The following BABAM2 variants were observed in gnomAD, a reference collection of about 807,000 sequenced individuals.
The protein encoded by BABAM2 is BRISC and BRCA1 A complex member 2, also known as BRISC and BRCA1-A complex member 2.
A neutral mutation model predicts 54.7 loss-of-function variants in BABAM2; 31 were observed. That is an observed-to-expected ratio of 0.57 (90% CI 0.43 to 0.77). The LOEUF is 0.77. Ranked by LOEUF, BABAM2 falls within the 30% of genes least tolerant of loss-of-function variation. The pLI is 0.00. For synonymous variants in BABAM2, 167 were observed against 162.9 expected (o/e 1.03, Z -0.19); for missense variants, 364 against 455.8 (o/e 0.80, Z 1.83).
intron 7 of BABAM2, among the ~76,000 whole-genome samples, chr2:28,150,905 G>A (rs1329202541): frequency 6.6e-6 from 1 of 152,180 alleles, no homozygotes; most frequent in Admixed American, 6.5e-5. Flanking sequence ...ATGTGAGAAT[G>A]ATGAAAAGCT....
intron 7 of BABAM2, among the ~76,000 whole-genome samples, chr2:28,162,159 A>T (rs1451568899): frequency 6.6e-6 from 1 of 152,208 alleles, no homozygotes; most frequent in Non-Finnish European, 1.5e-5. Context: ...AACTTGAAAT[A>T]CCGTATTTTG....
chr2:28,293,835 T>C (rs895409385), intron 10 of BABAM2, among the ~76,000 whole-genome samples: 11 of 151,738 alleles, frequency 7.2e-5, no homozygotes, highest in Non-Finnish European at 1.5e-4. Context: ...CTGGACAACA[T>C]GGCAAGACCC....
intron 10 of BABAM2, among the ~76,000 whole-genome samples, chr2:28,248,902 A>C (rs960910714): frequency 6.6e-6 from 1 of 152,118 alleles, no homozygotes; most frequent in African/African-American, 2.4e-5. Context: ...CTAAGAACCT[A>C]CTGCATGCTC....
At chr2:27,947,967 GA>G (rs1669421956) in intron 3 of BABAM2, among the ~76,000 whole-genome samples, 3 of 151,956 alleles carry the variant, frequency 2.0e-5, no homozygotes, top group Admixed American at 2.0e-4. Context: ...ACTTTATATT[GA>G]AACCACAGTT....
At chr2:28,061,643 C>CAT (rs958963001) in intron 6 of BABAM2, among the ~76,000 whole-genome samples, 35 of 146,994 alleles carry the variant, frequency 2.4e-4, no homozygotes, top group Admixed American at 4.1e-4. Flanking sequence ...CTTGAAAAGA[C>CAT]ATATATATAT....
At chr2:28,073,827 G>A (rs554025066) in intron 6 of BABAM2, among the ~76,000 whole-genome samples, 1 of 152,006 alleles carries the variant, frequency 6.6e-6, no homozygotes, top group East Asian at 1.9e-4. Context: ...AACTTTTTGG[G>A]GAGTGGGGGA....
At position 28,039,505 on chromosome 2, in the gene BABAM2, T is replaced by G. The variant is rs80267877; in HGVS notation, c.496-6220T>G. On this transcript the variant is annotated intron_variant, in intron 5 of 11. Transcript: ENST00000379624. ...CATTTGAAGAATCAGCCTTACCAGT[T>G]TGTCACCCAGCTAAAGTTATAATCA... Among the ~76,000 whole-genome samples, 7 of 152,360 alleles carry G rather than the reference T, an allele frequency of 4.6e-5. No homozygotes were observed. The East Asian group carries it at 1.3e-3, about 29-fold the overall frequency.
At chr2:27,948,564 A>G (rs1250672761) in intron 3 of BABAM2, among the ~76,000 whole-genome samples, 1 of 152,214 alleles carries the variant, frequency 6.6e-6, no homozygotes, top group Non-Finnish European at 1.5e-5. Context: ...TGAGGTCAGG[A>G]GTTAGAGACC....
intron 10 of BABAM2, 79 bp downstream of exon 10, chr2:28,244,941 C>G (rs913504295): frequency 4.6e-5 from 55 of 1,184,276 alleles, no homozygotes; most frequent in Non-Finnish European, 6.3e-5. Context: ...AGTACTAGAA[C>G]CTTTTCTGTC....
intron 7 of BABAM2, among the ~76,000 whole-genome samples, chr2:28,172,907 G>A (rs1573748260): frequency 2.0e-5 from 3 of 152,262 alleles, no homozygotes; most frequent in African/African-American, 7.2e-5. Context: ...CAGTTCCAGA[G>A]GCTAAGAAAT....
chr2:28,284,693 A>G, intron 10 of BABAM2, among the ~76,000 whole-genome samples: 1 of 152,198 alleles, frequency 6.6e-6, no homozygotes, highest in Non-Finnish European at 1.5e-5. Flanking sequence ...AATTTACCTC[A>G]AATAAATAGA....
intron 10 of BABAM2, among the ~76,000 whole-genome samples, chr2:28,278,889 T>A (rs1686101235): frequency 6.6e-6 from 1 of 152,206 alleles, no homozygotes; most frequent in African/African-American, 2.4e-5. Context: ...TCAGTAATGA[T>A]GGTGCCCATT....
intron 11 of BABAM2, among the ~76,000 whole-genome samples, chr2:28,318,340 A>G (rs1689742922): frequency 1.3e-5 from 2 of 152,174 alleles, no homozygotes; most frequent in Admixed American, 6.5e-5. Flanking sequence ...ACACAGCCAT[A>G]CCCTTTGATT....
At chr2:28,263,046 T>C (rs1193455005) in intron 10 of BABAM2, among the ~76,000 whole-genome samples, 2 of 148,168 alleles carry the variant, frequency 1.3e-5, no homozygotes, top group African/African-American at 5.0e-5. Flanking sequence ...TGCCTTCCAG[T>C]AGATGAAAGG....
intron 7 of BABAM2, among the ~76,000 whole-genome samples, chr2:28,204,757 C>T (rs1678650149): frequency 6.6e-6 from 1 of 152,126 alleles, no homozygotes; most frequent in Admixed American, 6.5e-5. Context: ...TTATCTCATT[C>T]AGTCTATGCA....
At chr2:27,999,988 G>T (rs181702613) in intron 4 of BABAM2, among the ~76,000 whole-genome samples, 1 of 152,082 alleles carries the variant, frequency 6.6e-6, no homozygotes, top group Non-Finnish European at 1.5e-5. Context: ...TTTAATTTTA[G>T]AATTTTTGTT....
At chr2:27,899,068 A>G (rs1665565197) in intron 2 of BABAM2, among the ~76,000 whole-genome samples, 1 of 152,116 alleles carries the variant, frequency 6.6e-6, no homozygotes, top group South Asian at 2.1e-4. Context: ...GTTTGAGACC[A>G]GCCTAGGCAA....
At chr2:28,107,046 T>A (rs1324468401) in intron 6 of BABAM2, among the ~76,000 whole-genome samples, 1 of 152,166 alleles carries the variant, frequency 6.6e-6, no homozygotes, top group Non-Finnish European at 1.5e-5. Context: ...TTATCCTTAA[T>A]ATGTTACTGT....
At chr2:28,094,907 CTT>C (rs202097046) in intron 6 of BABAM2, among the ~76,000 whole-genome samples, 6 of 130,622 alleles carry the variant, frequency 4.6e-5, no homozygotes, top group Non-Finnish European at 3.3e-5. Flanking sequence ...GCTCCCTCTT[CTT>C]TTTTTTTTTT....
Sources: allele counts gnomAD v4.1 joint callset (sites outside exome capture counted in the v4.1 genomes callset), GRCh38; gene constraint gnomAD v4.1.1; transcripts MANE v1.5; gene names NCBI Gene and HGNC (gene_info 2026-07-23, HGNC 2026-07-21).